Variants in BTBD9 observed in about 807,000 individuals in gnomAD.
BTBD9 encodes the protein BTB/POZ domain-containing protein 9.
BTBD9 carries 49 observed loss-of-function variants against 64.3 expected under a neutral mutation model. The observed-to-expected ratio is 0.76, with a 90% CI of 0.61 to 0.97. BTBD9 has a LOEUF of 0.97. BTBD9 is among the 50% of genes least tolerant of loss of function. The pLI is 0.00. For missense variants in BTBD9, 598 were observed against 762.1 expected (o/e 0.78, Z 2.53); for synonymous variants, 260 against 274.7 (o/e 0.95, Z 0.53).
intron 9 of BTBD9, among the ~76,000 whole-genome samples, chr6:38,212,230 T>A (rs1460013691): frequency 6.6e-6 from 1 of 152,074 alleles, no homozygotes. Context: ...GGCTAATCAC[T>A]CCCATTCCTC....
At chr6:38,292,152 CG>C (rs1290613799) in intron 7 of BTBD9, among the ~76,000 whole-genome samples, 1 of 151,672 alleles carries the variant, frequency 6.6e-6, no homozygotes, top group Non-Finnish European at 1.5e-5. Context: ...TTAGTAGACA[CG>C]GGGTTTCACC....
At chr6:38,337,893 T>C (rs562966244) in intron 7 of BTBD9, among the ~76,000 whole-genome samples, 38 of 152,300 alleles carry the variant, frequency 2.5e-4, no homozygotes, top group African/African-American at 7.7e-4. Flanking sequence ...GGTGGAAGAC[T>C]GAAATATAGG....
At chr6:38,224,786 C>T (rs1346528522) in intron 9 of BTBD9, among the ~76,000 whole-genome samples, 1 of 152,198 alleles carries the variant, frequency 6.6e-6, no homozygotes, top group Non-Finnish European at 1.5e-5. Flanking sequence ...CCAAATATCA[C>T]CCATTACAAA....
chr6:38,288,496 A>C (rs1406093973), intron 7 of BTBD9, 35 bp from the exon 8 acceptor site: 1 of 1,578,154 alleles, frequency 6.3e-7, no homozygotes, highest in Admixed American at 1.7e-5. Flanking sequence ...GCATCAGGAT[A>C]AGAGAAGCCA....
At chr6:38,583,948 AATC>A (rs956755757) in intron 4 of BTBD9, among the ~76,000 whole-genome samples, 1 of 152,224 alleles carries the variant, frequency 6.6e-6, no homozygotes, top group African/African-American at 2.4e-5. Context: ...AGAAAATTCA[AATC>A]ATAATAAAAT....
intron 7 of BTBD9, among the ~76,000 whole-genome samples, chr6:38,303,541 G>T (rs1456614004): frequency 6.6e-6 from 1 of 151,902 alleles, no homozygotes; most frequent in Non-Finnish European, 1.5e-5. Flanking sequence ...TCTGTAGACA[G>T]CTTGGTCTCA....
intron 6 of BTBD9, among the ~76,000 whole-genome samples, chr6:38,431,788 C>T (rs747985731): frequency 6.6e-6 from 1 of 151,970 alleles, no homozygotes; most frequent in Non-Finnish European, 1.5e-5. Context: ...GTCTATATCC[C>T]CATTGCAGCA....
At chr6:38,626,738 G>C (rs1778182575) in intron 1 of BTBD9, among the ~76,000 whole-genome samples, 1 of 152,162 alleles carries the variant, frequency 6.6e-6, no homozygotes, top group Non-Finnish European at 1.5e-5. Flanking sequence ...CATGCTCTTT[G>C]CTGCAATCAA....
At chr6:38,533,129 TA>T (rs1482148557) in intron 6 of BTBD9, among the ~76,000 whole-genome samples, 1 of 150,928 alleles carries the variant, frequency 6.6e-6, no homozygotes, top group Non-Finnish European at 1.5e-5. Flanking sequence ...ATAATAATAA[TA>T]AAAAAAACAA....
chr6:38,360,864 T>C (rs1234543906), intron 6 of BTBD9, among the ~76,000 whole-genome samples: 1 of 152,018 alleles, frequency 6.6e-6, no homozygotes, highest in Non-Finnish European at 1.5e-5. Context: ...AAAGAGGGAT[T>C]TGTTTTGTTT....
chr6:38,295,423 C>T (rs771980408), intron 7 of BTBD9, among the ~76,000 whole-genome samples: 5 of 152,174 alleles, frequency 3.3e-5, no homozygotes, highest in Non-Finnish European at 7.3e-5. Flanking sequence ...GCTTCAGCTT[C>T]CCAAAGTGCT....
rs116054261 is a variant in BTBD9, at chr6:38,363,064, A to G, written c.1155-17971T>C. On this transcript the variant is annotated intron_variant, in intron 6 of 10. Transcript: ENST00000481247. ...TATATTGCCTGCTTTCATGGAATTCATCAGCATCAACTTTTTATTTTATTT... is the reference window on the plus strand; with the variant it reads ...TATATTGCCTGCTTTCATGGAATTCGTCAGCATCAACTTTTTATTTTATTT... Among the ~76,000 whole-genome samples the G allele has an allele frequency of 3.0e-3, 453 of 152,308 alleles. 3 individuals carry two copies. Among genetic ancestry groups the G allele is most frequent in the South Asian group, 0.022 (104 of 4,820 alleles).
chr6:38,318,191 A>C (rs1459995841), intron 7 of BTBD9, among the ~76,000 whole-genome samples: 2 of 152,154 alleles, frequency 1.3e-5, no homozygotes, highest in Non-Finnish European at 2.9e-5. Flanking sequence ...CACTGTGCCC[A>C]GCCAAAACAG....
chr6:38,188,136 C>T (rs1388209473), intron 10 of BTBD9, among the ~76,000 whole-genome samples: 1 of 152,266 alleles, frequency 6.6e-6, no homozygotes, highest in East Asian at 1.9e-4. Flanking sequence ...TGCTTCCACG[C>T]ACTGCCTGCT....
chr6:38,365,469 T>A (rs923038014), intron 6 of BTBD9, among the ~76,000 whole-genome samples: 3 of 152,108 alleles, frequency 2.0e-5, no homozygotes, highest in South Asian at 4.1e-4. Flanking sequence ...AGGCTGGATG[T>A]GGTGGCTCAC....
intron 6 of BTBD9, among the ~76,000 whole-genome samples, chr6:38,545,822 T>C (rs1464861486): frequency 2.2e-5 from 3 of 139,440 alleles, no homozygotes; most frequent in Non-Finnish European, 3.1e-5. Context: ...ATGTGACTAA[T>C]GCTTTAATAT....
chr6:38,192,687 A>T, intron 9 of BTBD9, 90 bp from the exon 10 acceptor site: 2 of 1,178,686 alleles, frequency 1.7e-6, no homozygotes, highest in Non-Finnish European at 1.3e-6. Context: ...CTGAGGAGGG[A>T]GGGCTTCCTG....
intron 4 of BTBD9, among the ~76,000 whole-genome samples, chr6:38,587,157 C>T (rs79705799): frequency 8.9e-4 from 136 of 152,194 alleles, no homozygotes; most frequent in African/African-American, 3.0e-3. Context: ...GTGCAGTGGC[C>T]ATGGAGGGCA....
chr6:38,265,467 T>C (rs1287550487), intron 8 of BTBD9, among the ~76,000 whole-genome samples: 1 of 151,702 alleles, frequency 6.6e-6, no homozygotes, highest in Non-Finnish European at 1.5e-5. Context: ...GGCAAAACTT[T>C]CCAAAACTTG....
Sources: gnomAD v4.1 joint callset for allele counts (sites outside exome capture counted in the v4.1 genomes callset) on GRCh38, gnomAD v4.1.1 for gene constraint, MANE v1.5 for transcripts, NCBI Gene and HGNC (gene_info 2026-07-23, HGNC 2026-07-21) for gene names.